The following CCDC91 variants were observed in gnomAD, a reference collection of about 807,000 sequenced individuals.
CCDC91 encodes coiled-coil domain-containing protein 91.
CCDC91 carries 48 observed loss-of-function variants against 63.2 expected under a neutral mutation model. The observed-to-expected ratio is 0.76, with a 90% confidence interval of 0.60 to 0.97. CCDC91 has a LOEUF of 0.97. Among genes scored for constraint, CCDC91 ranks in the 50% least tolerant of loss-of-function variants. The probability of loss-of-function intolerance (pLI) is 0.00; values close to 1 mark genes in which losing one functional copy is unlikely to be tolerated. For missense variants in CCDC91, 500 were observed against 494.6 expected (o/e 1.01, Z -0.10); for synonymous variants, 167 against 165.8 (o/e 1.01, Z -0.06).
chr12:28,209,586 A>G (rs1240836232), intron 1 of CCDC91, among the ~76,000 whole-genome samples: 1 of 152,082 alleles, frequency 6.6e-6, no homozygotes, highest in Non-Finnish European at 1.5e-5. Flanking sequence ...GCCCGCCACC[A>G]GGCCTGGCTC....
intron 8 of CCDC91, among the ~76,000 whole-genome samples, chr12:28,440,421 T>C (rs1160266740): frequency 6.6e-6 from 1 of 152,228 alleles, no homozygotes; most frequent in East Asian, 1.9e-4. Flanking sequence ...AAGCTAGAGT[T>C]AATGATTGCA....
At chr12:28,296,163 T>A (rs1017414249) in intron 3 of CCDC91, among the ~76,000 whole-genome samples, 1 of 151,602 alleles carries the variant, frequency 6.6e-6, no homozygotes, top group South Asian at 2.1e-4. Context: ...TTTTATTTTT[T>A]AAATTTTCCC....
intron 12 of CCDC91, among the ~76,000 whole-genome samples, chr12:28,492,858 T>A (rs1022746195): frequency 6.6e-6 from 1 of 151,760 alleles, no homozygotes; most frequent in East Asian, 1.9e-4. Flanking sequence ...ATTAAAGATA[T>A]AACCTTGAAA....
intron 12 of CCDC91, among the ~76,000 whole-genome samples, chr12:28,491,419 A>G (rs1951997222): frequency 6.6e-6 from 1 of 151,748 alleles, no homozygotes; most frequent in Non-Finnish European, 1.5e-5. Flanking sequence ...CTCCTTAACG[A>G]ATTAAGTGAG....
intron 6 of CCDC91, among the ~76,000 whole-genome samples, chr12:28,348,889 A>T: frequency 6.6e-6 from 1 of 151,922 alleles, no homozygotes; most frequent in East Asian, 1.9e-4. Flanking sequence ...GTGTCTGACT[A>T]ATTTTTCTAC....
At chr12:28,197,688 A>G (rs1941887951) in intron 1 of CCDC91, among the ~76,000 whole-genome samples, 1 of 152,048 alleles carries the variant, frequency 6.6e-6, no homozygotes, top group South Asian at 2.1e-4. Context: ...TGTATATATT[A>G]TGTTTATTTT....
intron 1 of CCDC91, chr12:28,199,061 G>A (rs1942004969): frequency 6.6e-6 from 1 of 151,926 alleles, no homozygotes; most frequent in Admixed American, 6.6e-5. Flanking sequence ...CTACAGGTGT[G>A]TGCCACGATG....
chr12:28,282,057 C>T (rs1290022482), intron 3 of CCDC91, among the ~76,000 whole-genome samples: 1 of 152,040 alleles, frequency 6.6e-6, no homozygotes, highest in Non-Finnish European at 1.5e-5. Context: ...GTACATATAT[C>T]TCAGGTAAAA....
At chr12:28,322,293 G>A (rs1940583898) in intron 6 of CCDC91, among the ~76,000 whole-genome samples, 1 of 151,850 alleles carries the variant, frequency 6.6e-6, no homozygotes, top group South Asian at 2.1e-4. Context: ...CTGAAGAAAA[G>A]CACCCTTCAT....
At chr12:28,321,274 A>G (rs1386741693) in intron 6 of CCDC91, among the ~76,000 whole-genome samples, 4 of 151,854 alleles carry the variant, frequency 2.6e-5, no homozygotes, top group Non-Finnish European at 5.9e-5. Context: ...CTCAAAACTT[A>G]GCTGAATCAT....
chr12:28,400,978 G>A (rs1946586455), intron 8 of CCDC91, among the ~76,000 whole-genome samples: 1 of 152,118 alleles, frequency 6.6e-6, no homozygotes, highest in African/African-American at 2.4e-5. Flanking sequence ...AGTCCTCTAA[G>A]CCTTTAGGAA....
At chr12:28,269,582 A>G (rs1947603292) in intron 3 of CCDC91, among the ~76,000 whole-genome samples, 1 of 152,098 alleles carries the variant, frequency 6.6e-6, no homozygotes, top group African/African-American at 2.4e-5. Flanking sequence ...CATTATTTTA[A>G]GTGGCACCAG....
chr12:28,295,180 ACT>A (rs1455539112), intron 3 of CCDC91, among the ~76,000 whole-genome samples: 1 of 151,910 alleles, frequency 6.6e-6, no homozygotes, highest in Non-Finnish European at 1.5e-5. Flanking sequence ...ATATTTGTTC[ACT>A]CTCTATAAAT....
At chr12:28,293,297 A>G (rs1002904986) in intron 3 of CCDC91, among the ~76,000 whole-genome samples, 6 of 152,224 alleles carry the variant, frequency 3.9e-5, no homozygotes, top group African/African-American at 1.4e-4. Flanking sequence ...GGCAAGCTTT[A>G]TATTGAAGGT....
At chr12:28,206,620 G>T (rs1227668312) in intron 1 of CCDC91, among the ~76,000 whole-genome samples, 1 of 152,168 alleles carries the variant, frequency 6.6e-6, no homozygotes, top group Non-Finnish European at 1.5e-5. Flanking sequence ...TAACTAAGTA[G>T]TTTTTTCATT....
chr12:28,409,762 C>T (rs1255250651), intron 8 of CCDC91, among the ~76,000 whole-genome samples: 2 of 151,852 alleles, frequency 1.3e-5, no homozygotes, highest in African/African-American at 4.8e-5. Flanking sequence ...ATTCAAAATA[C>T]TTTTAAATTT....
chr12:28,327,443 A>G (rs998932507), intron 6 of CCDC91, among the ~76,000 whole-genome samples: 5 of 152,086 alleles, frequency 3.3e-5, no homozygotes, highest in Admixed American at 1.3e-4. Flanking sequence ...ATCCATTTGT[A>G]TAATAAAAAG....
chr12:28,385,978 A>G (rs577467844), intron 7 of CCDC91, among the ~76,000 whole-genome samples: 3 of 152,308 alleles, frequency 2.0e-5, no homozygotes, highest in Admixed American at 6.5e-5. Flanking sequence ...TTTGTTTTCT[A>G]TGAGTTTATA....
chr12:28,531,176 A>G (rs1292450516), intron 12 of CCDC91, among the ~76,000 whole-genome samples: 3 of 152,300 alleles, frequency 2.0e-5, no homozygotes, highest in Non-Finnish European at 4.4e-5. Context: ...ATATTTCAAC[A>G]TGGCATTAAA....
Sources: allele counts gnomAD v4.1 joint callset (sites outside exome capture counted in the v4.1 genomes callset), GRCh38; gene constraint gnomAD v4.1.1; transcripts MANE v1.5; gene names NCBI Gene and HGNC (gene_info 2026-07-23, HGNC 2026-07-21).